Variants in DYNC1I1 observed in about 807,000 individuals in gnomAD.
DYNC1I1 encodes the protein cytoplasmic dynein 1 intermediate chain 1.
In DYNC1I1, 43 loss-of-function variants were observed where a neutral mutation model predicts 86.6. The ratio of observed to expected loss-of-function variants is 0.50; its 90% CI spans 0.39 to 0.64. The LOEUF (loss-of-function observed/expected upper bound fraction) is 0.64, where lower values mean the gene tolerates loss of function less well. Ranked by LOEUF, DYNC1I1 falls within the 30% of genes least tolerant of loss-of-function variation. DYNC1I1 has a pLI of 0.00. For missense variants in DYNC1I1, 604 were observed against 788.8 expected (o/e 0.77, Z 2.81); for synonymous variants, 262 against 283.7 (o/e 0.92, Z 0.77).
chr7:96,107,931 A>G (rs952202632), intron 16 of DYNC1I1, among the ~76,000 whole-genome samples: 1 of 141,846 alleles, frequency 7.0e-6, no homozygotes, highest in Non-Finnish European at 1.5e-5. Flanking sequence ...TTCCGGCCTC[A>G]ATGATTTCTG....
intron 15 of DYNC1I1, among the ~76,000 whole-genome samples, chr7:96,077,168 A>T (rs545580001): frequency 1.3e-5 from 2 of 152,192 alleles, no homozygotes; most frequent in Non-Finnish European, 2.9e-5. Flanking sequence ...TTTGAGCAGG[A>T]AACAGCTCAG....
In DYNC1I1 at chr7:96,074,250, G is replaced by A. The variant is rs149298430; in HGVS notation, c.1510-1807G>A. On this transcript the variant is annotated intron_variant, in intron 14 of 16. Transcript: ENST00000447467. The stretch of plus-strand genomic sequence containing the variant: ...CTAAAATATTCTGTGTTGCTTTAAT[G>A]TATTAAAAGTTTGTTCAGGCCGGGC... Among the ~76,000 whole-genome samples, 42 of 152,138 alleles carry A rather than the reference G, an allele frequency of 2.8e-4. No homozygotes were observed. The East Asian group carries it at 8.1e-3, about 29-fold the overall frequency.
chr7:95,990,458 G>A (rs1384071022), intron 9 of DYNC1I1, among the ~76,000 whole-genome samples: 1 of 152,118 alleles, frequency 6.6e-6, no homozygotes, highest in Non-Finnish European at 1.5e-5. Context: ...GCCAATCCAC[G>A]AACATGGATT....
At chr7:96,105,162 A>G (rs544511524) in intron 16 of DYNC1I1, among the ~76,000 whole-genome samples, 41 of 152,014 alleles carry the variant, frequency 2.7e-4, no homozygotes, top group Non-Finnish European at 4.6e-4. Flanking sequence ...AGTTTTGTAT[A>G]TTGATGTTAT....
chr7:95,889,717 T>G (rs1584131075), intron 6 of DYNC1I1, among the ~76,000 whole-genome samples: 1 of 151,812 alleles, frequency 6.6e-6, no homozygotes, highest in East Asian at 1.9e-4. Flanking sequence ...TAATATCCAG[T>G]ATCTATAAAA....
chr7:96,076,705 A>T (rs915212334), intron 15 of DYNC1I1, among the ~76,000 whole-genome samples: 4 of 152,206 alleles, frequency 2.6e-5, no homozygotes, highest in Non-Finnish European at 5.9e-5. Context: ...ACCAAGGTAA[A>T]TATTCCTTGT....
At chr7:95,917,031 G>A (rs1051454452) in intron 6 of DYNC1I1, among the ~76,000 whole-genome samples, 6 of 152,162 alleles carry the variant, frequency 3.9e-5, no homozygotes, top group Admixed American at 3.3e-4. Flanking sequence ...GAGGGCAACC[G>A]GGTGTGATTA....
At chr7:96,097,161 G>T (rs1439351803) in intron 16 of DYNC1I1, among the ~76,000 whole-genome samples, 5 of 152,104 alleles carry the variant, frequency 3.3e-5, no homozygotes, top group Non-Finnish European at 7.4e-5. Context: ...TTCACTGTAA[G>T]TCTGGTCTTC....
intron 5 of DYNC1I1, among the ~76,000 whole-genome samples, chr7:95,828,849 T>C (rs1183152747): frequency 6.6e-6 from 1 of 152,140 alleles, no homozygotes; most frequent in Non-Finnish European, 1.5e-5. Flanking sequence ...ACAGGAGATA[T>C]TACTGGTGGG....
chr7:95,858,110 C>T (rs1789774358), intron 5 of DYNC1I1, among the ~76,000 whole-genome samples: 1 of 152,180 alleles, frequency 6.6e-6, no homozygotes. Context: ...GATTCCATCA[C>T]TTTGTTCTTG....
intron 14 of DYNC1I1, among the ~76,000 whole-genome samples, chr7:96,065,414 G>A (rs374606282): frequency 8.4e-5 from 11 of 130,526 alleles, no homozygotes; most frequent in African/African-American, 2.7e-4. Context: ...GTCTCTCTCC[G>A]TGGCTTAGGC....
At chr7:95,828,231 T>A (rs1562910062) in intron 5 of DYNC1I1, 115 bp downstream of exon 5, 12 of 1,173,694 alleles carry the variant, frequency 1.0e-5, no homozygotes, top group Non-Finnish European at 1.4e-5. Flanking sequence ...TCCAGTTTGA[T>A]AAGTTCGTTT....
At chr7:95,823,770 C>T (rs1005882838) in intron 4 of DYNC1I1, among the ~76,000 whole-genome samples, 8 of 151,652 alleles carry the variant, frequency 5.3e-5, no homozygotes, top group African/African-American at 1.9e-4. Flanking sequence ...GTTCTCACAA[C>T]AAATTGTTAA....
intron 4 of DYNC1I1, among the ~76,000 whole-genome samples, chr7:95,826,727 A>T (rs1353241707): frequency 6.6e-6 from 1 of 152,188 alleles, no homozygotes; most frequent in Non-Finnish European, 1.5e-5. Flanking sequence ...AGGAAGTGCT[A>T]CCTGAGATCA....
Position 95,783,895 on chromosome 7 carries a change from G to A in DYNC1I1, c.-10+11122G>A, listed in dbSNP as rs1320804537. Among the ~76,000 whole-genome samples, 9 of 152,322 alleles carry A rather than the reference G, an allele frequency of 5.9e-5. No homozygotes were observed. In the South Asian group the frequency reaches 1.5e-3, roughly 25 times the overall value. On this transcript the variant is annotated intron_variant, in intron 1 of 16. Coordinates refer to ENST00000447467, the MANE Select transcript of DYNC1I1 (RefSeq NM_001135556.2). ...CTGTAAAACAGGATTCATAATAATA[G>A]TATCTACTTCCTAGTGTTGTGCTGT...
At chr7:96,099,328 A>G (rs948739766), downstream of DYNC1I1, among the ~76,000 whole-genome samples, 1 of 152,208 alleles carries the variant, frequency 6.6e-6, no homozygotes, top group African/African-American at 2.4e-5. Context: ...TGTGCAGGCC[A>G]TCCCCTGTTG....
At chr7:95,800,262 G>A (rs900051603) in intron 1 of DYNC1I1, among the ~76,000 whole-genome samples, 7 of 151,926 alleles carry the variant, frequency 4.6e-5, no homozygotes, top group African/African-American at 1.7e-4. Flanking sequence ...TGGAGTCTAG[G>A]GTAAATGTAG....
rs1794486494 is a variant in DYNC1I1, at chr7:96,019,454, A to T, written c.970-8721A>T. On this transcript the variant is annotated intron_variant, in intron 10 of 16. Coordinates refer to ENST00000447467, the MANE Select transcript of DYNC1I1 (RefSeq NM_001135556.2). ...TTTTCACATTTGACGGCAAAATACT[A>T]ATGCCCCAGTCGCACCCCCAGAAAT... is the stretch of plus-strand genomic sequence containing the variant. 2.0e-5 allele frequency among the ~76,000 whole-genome samples: 3 copies of T among 151,994 alleles called. No individual in the cohort carries two copies. The South Asian group carries it at 6.2e-4, about 32-fold the overall frequency.
intron 1 of DYNC1I1, among the ~76,000 whole-genome samples, chr7:95,788,443 G>A (rs981856853): frequency 2.0e-5 from 3 of 152,180 alleles, no homozygotes; most frequent in African/African-American, 7.2e-5. Context: ...TTTGAAGTGG[G>A]GAAGATCAAA....
Sources: gnomAD v4.1 joint callset for allele counts (sites outside exome capture counted in the v4.1 genomes callset) on GRCh38, gnomAD v4.1.1 for gene constraint, MANE v1.5 for transcripts, NCBI Gene and HGNC (gene_info 2026-07-23, HGNC 2026-07-21) for gene names.